Variants in SAA4 observed in about 807,000 individuals in gnomAD.
SAA4 encodes the protein serum amyloid A-4 protein.
A neutral mutation model predicts 11.2 loss-of-function variants in SAA4; 8 were observed. The observed-to-expected ratio is 0.71, with a 90% CI of 0.42 to 1.29. SAA4 has a LOEUF of 1.29. Ranked by LOEUF, SAA4 falls within the 50% of genes most tolerant of loss-of-function variation. The pLI, the probability that SAA4 is intolerant of heterozygous loss-of-function variation, is 0.01. For synonymous variants in SAA4, 60 were observed against 56.2 expected, an observed-to-expected ratio of 1.07 and a Z score of -0.30; for missense variants, 171 against 164.2, an observed-to-expected ratio of 1.04 and a Z score of -0.23.
At chr11:18,231,801 G>T (rs1857138837) in intron 3 of SAA4, 137 bp from the exon 4 acceptor site, 2 of 1,112,926 alleles carry the variant, frequency 1.8e-6, no homozygotes, top group South Asian at 3.4e-5. Context: ...CAAGGAAAGG[G>T]GAAGAAAACT....
chr11:18,231,626 T>G lies in SAA4; in HGVS notation c.269A>C (p.Tyr90Ser). The G allele has an allele frequency of 6.2e-7, 1 of 1,614,066 alleles. No individual in the cohort carries two copies. Among genetic ancestry groups the G allele is most frequent in the Non-Finnish European group, 8.5e-7 (1 of 1,179,992 alleles). Residue 90 changes from tyrosine (Y) to serine (S), a missense_variant, in exon 4 of 4, where the codon TAT becomes TCT. Coordinates refer to ENST00000278222, the MANE Select transcript of SAA4 (RefSeq NM_006512.4). ...RVYLQGLIDC[Y>S]LFGNSSTVLE... ...TACAGTGCTGCTGTTTCCAAATAAA[T>G]AGCAGTCTATTAATCCCTGAAGATA...
At chr11:18,235,780 G>C in intron 2 of SAA4, 56 bp downstream of exon 2, 1 of 1,557,432 alleles carries the variant, frequency 6.4e-7, no homozygotes, top group Non-Finnish European at 8.8e-7. Context: ...GTGAGTATGT[G>C]GCCCCTGCTC....
At chr11:18,236,222 A>ATTTTT (rs36090595) in intron 1 of SAA4, among the ~76,000 whole-genome samples, 1 of 129,556 alleles carries the variant, frequency 7.7e-6, no homozygotes, top group Non-Finnish European at 1.6e-5. Context: ...CACTCAGCTA[A>ATTTTT]TTTTTTTTTT....
chr11:18,232,454 C>T lies in SAA4; in HGVS notation c.171G>A (p.Arg57=), dbSNP rs868802809. 6.2e-7 allele frequency: 1 copy of T among 1,614,158 alleles called. No homozygotes were observed. The highest frequency in any genetic ancestry group is 1.1e-5 in the South Asian group (1 of 91,078). ...HQNSNRYLYA[R]GNYDAAQRGP... ...CTCTTTGGGCAGCATCATAGTTTCC[C>T]CGAGCATAGAGATATCTGTTTGAAT... is the stretch of plus-strand genomic sequence containing the variant. The change falls in exon 3 of 4, where the codon CGG becomes CGA. Residue 57 remains arginine (R), a synonymous_variant. Transcript: ENST00000278222.
intron 3 of SAA4, among the ~76,000 whole-genome samples, 160 bp downstream of exon 3, chr11:18,232,235 G>C (rs1284545258): frequency 6.6e-6 from 1 of 152,024 alleles, no homozygotes; most frequent in Admixed American, 6.6e-5. Context: ...TTCCCTTGTG[G>C]GTGAAAGGAG....
In SAA4 at chr11:18,235,858, C is replaced by G. The variant is rs371977487; in HGVS notation, c.69G>C (p.Ser23=). The G allele has an allele frequency of 1.2e-6, 2 of 1,613,752 alleles. No individual in the cohort carries two copies. The highest frequency in any genetic ancestry group is 2.2e-5 in the South Asian group (2 of 91,048). The change falls in exon 2 of 4, where the codon TCG becomes TCC. Residue 23 remains serine (S), a synonymous_variant. Transcript: ENST00000278222. The stretch of plus-strand genomic sequence containing the variant: ...TACCTTGGAGAGCCTCCTTGAAAAA[C>G]GAACGCCAGCTTTCACTGGTGACTC... ...VMGVTSESWR[S]FFKEALQGVG...
chr11:18,235,722 C>T, intron 2 of SAA4, 114 bp downstream of exon 2: 1 of 1,036,712 alleles, frequency 9.6e-7, no homozygotes, highest in Non-Finnish European at 1.4e-6. Context: ...GAAAACCACA[C>T]TCCTGCTCTG....
chr11:18,234,365 T>C (rs924976085), intron 2 of SAA4, among the ~76,000 whole-genome samples: 5 of 152,208 alleles, frequency 3.3e-5, no homozygotes, highest in African/African-American at 1.2e-4. Context: ...ATATGGATGT[T>C]TGTATGTGTA....
intron 1 of SAA4, 90 bp from the exon 2 acceptor site, chr11:18,236,020 C>CT (rs965675108): frequency 8.0e-7 from 1 of 1,250,606 alleles, no homozygotes; most frequent in Non-Finnish European, 1.1e-6. Flanking sequence ...TTTTTTCTTT[C>CT]TTTTTTTCCT....
At position 18,231,650 on chromosome 11, in the gene SAA4, T is replaced by G; in HGVS notation, c.245A>C (p.Tyr82Ser). ...ATAGCAGTCTATTAATCCCTGAAGA[T>G]AGACCCTGGAACGGCTGCAACCCAA... Reference protein sequence around the residue: ...AAKLISRSRVYLQGLIDCYLF... With the variant: ...AAKLISRSRVSLQGLIDCYLF... Residue 82 changes from tyrosine (Y) to serine (S), a missense_variant, in exon 4 of 4, where the codon TAT becomes TCT. Coordinates refer to ENST00000278222, the MANE Select transcript of SAA4 (RefSeq NM_006512.4). 6.2e-7 allele frequency: 1 copy of G among 1,613,338 alleles called. No homozygotes were observed. The highest frequency in any genetic ancestry group is 1.1e-5 in the South Asian group (1 of 90,956).
chr11:18,232,487 A>G lies in SAA4; in HGVS notation c.138T>C (p.Asn46=). The change falls in exon 3 of 4, where the codon AAT becomes AAC. Residue 46 remains asparagine, a synonymous_variant. Coordinates refer to ENST00000278222, the MANE Select transcript of SAA4 (RefSeq NM_006512.4). ...AGAGATATCTGTTTGAATTTTGGTG[A>G]TTGGATATCATTATGTCCCAATAGG... The part of the protein sequence containing the change: ...GRAYWDIMIS[N]HQNSNRYLYA... 1 of 1,614,120 alleles carries G rather than the reference A, an allele frequency of 6.2e-7. No individual in the cohort carries two copies. The highest frequency in any genetic ancestry group is 1.1e-5 in the South Asian group (1 of 91,078).
intron 2 of SAA4, among the ~76,000 whole-genome samples, chr11:18,235,340 A>C (rs947675258): frequency 2.8e-5 from 3 of 107,490 alleles, no homozygotes; most frequent in Non-Finnish European, 6.0e-5. Flanking sequence ...GTGGCTAATC[A>C]GTAGAAATTT....
chr11:18,233,305 A>G (rs1857163813), intron 2 of SAA4, among the ~76,000 whole-genome samples: 1 of 152,200 alleles, frequency 6.6e-6, no homozygotes, highest in Admixed American at 6.5e-5. Flanking sequence ...GGACTAAATG[A>G]GAAGATAAAA....
chr11:18,232,735 G>T lies in SAA4; in HGVS notation c.92-202C>A, dbSNP rs1387643114. Among the ~76,000 whole-genome samples, 6 of 152,242 alleles carry T rather than the reference G, an allele frequency of 3.9e-5. No homozygotes were observed. In the East Asian group the frequency reaches 1.2e-3, roughly 29 times the overall value. ...GCTTTTCCATGGATTACATTGAATT[G>T]TATTGGTTGGCAGTTGTCATGCCCT... On this transcript the variant is annotated intron_variant, in intron 2 of 3. Transcript: ENST00000278222.
At position 18,232,509 on chromosome 11, in the gene SAA4, TA is replaced by T; in HGVS notation, c.115del (p.Tyr39IlefsTer4). 2 of 1,614,098 alleles carry T rather than the reference TA, an allele frequency of 1.2e-6. No homozygotes were observed. The highest frequency in any genetic ancestry group is 1.7e-6 in the Non-Finnish European group (2 of 1,180,010). Reference protein sequence around the residue: ...LQGVGDMGRAYWDIMISNHQN... With the variant: ...LQGVGDMGRAXWDIMISNHQN... ...GTGATTGGATATCATTATGTCCCAA[TA>T]GGCTCTGCCCATGTCCCCAACCCCT... is the stretch of plus-strand genomic sequence containing the variant. On this transcript the variant is annotated frameshift_variant, in exon 3 of 4. Transcript: ENST00000278222. LOFTEE classifies it high-confidence loss of function.
In SAA4 at chr11:18,231,530, C is replaced by G. The variant is rs1179495876; in HGVS notation, c.365G>C (p.Arg122Thr). ...GRSGKDPDRFRPDGLPKKY is the reference protein window; with the variant it reads ...GRSGKDPDRFTPDGLPKKY ...GTATTTCTTAGGCAGGCCGTCAGGTCTGAAGCGGTCGGGGTCTTTGCCACT... is the reference window on the plus strand; with the variant it reads ...GTATTTCTTAGGCAGGCCGTCAGGTGTGAAGCGGTCGGGGTCTTTGCCACT... Residue 122 changes from arginine to threonine, a missense_variant, in exon 4 of 4, where the codon AGA (arginine) becomes ACA (threonine). Arg to Thr is a moderately conservative substitution (Grantham distance 71). Transcript: ENST00000278222. The G allele has an allele frequency of 3.7e-6, 6 of 1,613,668 alleles. No homozygotes were observed. Among genetic ancestry groups the G allele is most frequent in the Non-Finnish European group, 5.1e-6 (6 of 1,180,022 alleles).
At chr11:18,233,614 T>C (rs929848383) in intron 2 of SAA4, among the ~76,000 whole-genome samples, 9 of 152,020 alleles carry the variant, frequency 5.9e-5, no homozygotes, top group Admixed American at 5.9e-4. Context: ...TGGGCTCAAG[T>C]GATCATCCCA....
At chr11:18,234,084 T>C (rs918450580) in intron 2 of SAA4, among the ~76,000 whole-genome samples, 4 of 152,212 alleles carry the variant, frequency 2.6e-5, no homozygotes, top group Non-Finnish European at 4.4e-5. Context: ...AATGGAATAC[T>C]ATGTAGCAAT....
Position 18,232,445 on chromosome 11 carries a change from A to G in SAA4, c.180T>C (p.Tyr60=), listed in dbSNP as rs752151060. The change falls in exon 3 of 4, where the codon TAT becomes TAC. Residue 60 remains tyrosine (Y), a synonymous_variant. Transcript: ENST00000278222. ...SNRYLYARGN[Y]DAAQRGPGGV... ...CCCCAGGTCCTCTTTGGGCAGCATCATAGTTTCCCCGAGCATAGAGATATC... is the reference window on the plus strand; with the variant it reads ...CCCCAGGTCCTCTTTGGGCAGCATCGTAGTTTCCCCGAGCATAGAGATATC... 3 of 1,614,200 alleles carry G rather than the reference A, an allele frequency of 1.9e-6. No individual in the cohort carries two copies. The East Asian group carries it at 6.7e-5, about 36-fold the overall frequency.
Sources: gnomAD v4.1 joint callset for allele counts (sites outside exome capture counted in the v4.1 genomes callset) on GRCh38, gnomAD v4.1.1 for gene constraint, MANE v1.5 for transcripts, NCBI Gene and HGNC (gene_info 2026-07-23, HGNC 2026-07-21) for gene names.